SHROOM3: variants seen among roughly 807,000 people sequenced by gnomAD.
SHROOM3 encodes shroom family member 3.
A neutral mutation model predicts 138.6 loss-of-function variants in SHROOM3; 47 were observed. That is an observed-to-expected ratio of 0.34 (90% CI 0.27 to 0.43). SHROOM3 has a LOEUF of 0.43. Ranked by LOEUF, SHROOM3 falls within the 20% of genes least tolerant of loss-of-function variation. The pLI is 1.00. For synonymous variants in SHROOM3, 1,062 were observed against 1,063.3 expected (o/e 1.00, Z 0.02); for missense variants, 2,491 against 2,596.5 (o/e 0.96, Z 0.88).
intron 2 of SHROOM3, among the ~76,000 whole-genome samples, chr4:76,644,730 G>GATT (rs1735774673): frequency 6.6e-6 from 1 of 152,042 alleles, no homozygotes; most frequent in Admixed American, 6.6e-5. Flanking sequence ...AGTTATATAG[G>GATT]ATTCACTTTC....
chr4:76,518,606 A>T (rs1579208013), intron 1 of SHROOM3, among the ~76,000 whole-genome samples: 1 of 150,522 alleles, frequency 6.6e-6, no homozygotes, highest in African/African-American at 2.5e-5. Flanking sequence ...TGTGTTAAAT[A>T]ATCTGAATGA....
chr4:76,660,074 T>A (rs1473610594), intron 2 of SHROOM3, among the ~76,000 whole-genome samples: 2 of 151,922 alleles, frequency 1.3e-5, no homozygotes, highest in Non-Finnish European at 2.9e-5. Context: ...CCTCCCCACC[T>A]CACACGCACC....
chr4:76,605,579 CTATA>C (rs769779422), intron 2 of SHROOM3, among the ~76,000 whole-genome samples: 2 of 151,762 alleles, frequency 1.3e-5, no homozygotes, highest in Non-Finnish European at 2.9e-5. Flanking sequence ...AAAAAGGAAA[CTATA>C]AATAAATGGT....
chr4:76,522,938 A>G (rs1732596836), intron 1 of SHROOM3, among the ~76,000 whole-genome samples: 2 of 152,184 alleles, frequency 1.3e-5, no homozygotes. Context: ...TGTGTCTATT[A>G]TATCTCACTA....
At chr4:76,553,828 T>A (rs1269779716) in intron 1 of SHROOM3, among the ~76,000 whole-genome samples, 1 of 152,100 alleles carries the variant, frequency 6.6e-6, no homozygotes, top group Admixed American at 6.5e-5. Context: ...CAATATTAGG[T>A]TCATAAAAAA....
At chr4:76,665,158 TACAC>T (rs1253870396) in intron 2 of SHROOM3, among the ~76,000 whole-genome samples, 1 of 152,190 alleles carries the variant, frequency 6.6e-6, no homozygotes, top group East Asian at 1.9e-4. Flanking sequence ...GTTTTTTGTG[TACAC>T]AGTAGTACTA....
intron 2 of SHROOM3, among the ~76,000 whole-genome samples, chr4:76,706,704 T>C (rs1230094417): frequency 6.6e-6 from 1 of 152,222 alleles, no homozygotes; most frequent in African/African-American, 2.4e-5. Context: ...ACTTTATTCA[T>C]TCAACAAATA....
At chr4:76,750,171 G>C (rs552852993) in intron 6 of SHROOM3, among the ~76,000 whole-genome samples, 1 of 152,324 alleles carries the variant, frequency 6.6e-6, no homozygotes, top group African/African-American at 2.4e-5. Context: ...TATTCAAGGT[G>C]AGGTTGAGGA....
At chr4:76,603,404 T>C (rs903567430) in intron 2 of SHROOM3, among the ~76,000 whole-genome samples, 49 of 151,924 alleles carry the variant, frequency 3.2e-4, no homozygotes, top group African/African-American at 1.1e-3. Context: ...GGCAAGAGAA[T>C]GAGACTCTGT....
chr4:76,438,670 T>C (rs1300553653), intron 1 of SHROOM3, among the ~76,000 whole-genome samples: 1 of 152,190 alleles, frequency 6.6e-6, no homozygotes, highest in Non-Finnish European at 1.5e-5. Flanking sequence ...ATTATGCATG[T>C]ATTACATTGA....
intron 4 of SHROOM3, among the ~76,000 whole-genome samples, chr4:76,733,297 C>A (rs1720935621): frequency 6.6e-6 from 1 of 152,190 alleles, no homozygotes; most frequent in African/African-American, 2.4e-5. Context: ...CTCCTCCTTC[C>A]TCCTCTGCAT....
rs917046884 is a variant in SHROOM3 at position 76,451,028 on chromosome 4, G to A, written c.168+14808G>A. On this transcript the variant is annotated intron_variant, in intron 1 of 10. Coordinates refer to ENST00000296043, the MANE Select transcript of SHROOM3 (RefSeq NM_020859.4). ...TGAAGTGGCACAATCTTGGCTCACAGCAACCTCTGCCCCTGGGTTCACGCC... is the reference window on the plus strand; with the variant it reads ...TGAAGTGGCACAATCTTGGCTCACAACAACCTCTGCCCCTGGGTTCACGCC... 4.6e-5 allele frequency among the ~76,000 whole-genome samples: 7 copies of A among 151,850 alleles called. 1 individual carries two copies. The highest frequency in any genetic ancestry group is 6.6e-5 in the Admixed American group (1 of 15,228).
At chr4:76,459,378 G>A (rs1731095958) in intron 1 of SHROOM3, among the ~76,000 whole-genome samples, 1 of 152,180 alleles carries the variant, frequency 6.6e-6, no homozygotes, top group Admixed American at 6.5e-5. Flanking sequence ...ATGCTACACA[G>A]CCGAATAGTT....
In SHROOM3 at chr4:76,669,685, A is replaced by T. The variant is rs143266768; in HGVS notation, c.324-40471A>T. The stretch of plus-strand genomic sequence containing the variant: ...ACTTTTTGCTTAAAATTTAAAAAAA[A>T]AATAATAATTGTTGTGCAAACCAAA... On this transcript the variant is annotated intron_variant, in intron 2 of 10. Coordinates refer to ENST00000296043, the MANE Select transcript of SHROOM3 (RefSeq NM_020859.4). 5.4e-4 allele frequency among the ~76,000 whole-genome samples: 82 copies of T among 152,346 alleles called. 1 individual carries two copies. The highest frequency in any genetic ancestry group is 1.6e-3 in the African/African-American group (68 of 41,574).
intron 1 of SHROOM3, among the ~76,000 whole-genome samples, chr4:76,542,613 G>A (rs1733129643): frequency 6.6e-6 from 1 of 152,210 alleles, no homozygotes. Context: ...TAGGTCTGTG[G>A]AAGGCTCTGG....
At chr4:76,454,647 G>C (rs966129930) in intron 1 of SHROOM3, among the ~76,000 whole-genome samples, 1 of 151,964 alleles carries the variant, frequency 6.6e-6, no homozygotes, top group Non-Finnish European at 1.5e-5. Flanking sequence ...TTAGTACTTG[G>C]GGTCCTTTAA....
intron 2 of SHROOM3, among the ~76,000 whole-genome samples, chr4:76,667,052 G>C (rs1042709639): frequency 7.9e-5 from 12 of 152,216 alleles, no homozygotes; most frequent in Middle Eastern, 3.2e-3. Context: ...AAGTAGAATG[G>C]TGGTTGGCAG....
intron 1 of SHROOM3, among the ~76,000 whole-genome samples, chr4:76,444,532 C>T (rs1486670172): frequency 1.6e-5 from 2 of 127,580 alleles, no homozygotes; most frequent in African/African-American, 3.0e-5. Context: ...CTTGCTCTGT[C>T]GCCCAGGCTG....
intron 1 of SHROOM3, among the ~76,000 whole-genome samples, chr4:76,473,346 G>A (rs1731418251): frequency 6.6e-6 from 1 of 152,158 alleles, no homozygotes; most frequent in African/African-American, 2.4e-5. Context: ...GGTGGCTCAT[G>A]CCTTTAATCC....
Sources: gnomAD v4.1 joint callset for allele counts (sites outside exome capture counted in the v4.1 genomes callset) on GRCh38, gnomAD v4.1.1 for gene constraint, MANE v1.5 for transcripts, NCBI Gene and HGNC (gene_info 2026-07-23, HGNC 2026-07-21) for gene names.